Variants in KAZN observed in about 807,000 individuals in gnomAD.
KAZN encodes kazrin.
KAZN carries 40 observed loss-of-function variants against 87.4 expected under a neutral mutation model. The ratio of observed to expected loss-of-function variants is 0.46; its 90% CI spans 0.36 to 0.60. The LOEUF (loss-of-function observed/expected upper bound fraction) is 0.60. Among genes scored for constraint, KAZN ranks in the 20% least tolerant of loss-of-function variants. The probability of loss-of-function intolerance (pLI) is 0.00; values close to 1 mark genes in which losing one functional copy is unlikely to be tolerated. For synonymous variants in KAZN, 466 were observed against 458.3 expected (o/e 1.02, Z -0.22); for missense variants, 898 against 1,073.9 (o/e 0.84, Z 2.29).
intron 1 of KAZN, among the ~76,000 whole-genome samples, chr1:14,056,369 A>T (rs556640409): frequency 6.6e-6 from 1 of 152,332 alleles, no homozygotes; most frequent in African/African-American, 2.4e-5. Context: ...AGATGTCACG[A>T]TGGAAGCAGA....
intron 2 of KAZN, among the ~76,000 whole-genome samples, chr1:14,300,247 C>T (rs1406839969): frequency 7.1e-6 from 1 of 141,408 alleles, no homozygotes; most frequent in East Asian, 2.0e-4. Flanking sequence ...GTTTAATGGG[C>T]AGCTATGGAA....
chr1:14,844,593 T>C (rs887888958), intron 1 of KAZN, among the ~76,000 whole-genome samples: 1 of 152,200 alleles, frequency 6.6e-6, no homozygotes, highest in African/African-American at 2.4e-5. Flanking sequence ...AATGAGATTG[T>C]TCGCAATGAA....
At chr1:14,125,999 TGGCCTTAGA>T (rs950251466) in intron 1 of KAZN, among the ~76,000 whole-genome samples, 3 of 151,830 alleles carry the variant, frequency 2.0e-5, no homozygotes, top group Admixed American at 2.0e-4. Context: ...AGCTCTTACC[TGGCCTTAGA>T]GGCCCTAGTA....
chr1:14,445,798 C>T (rs565708552), intron 2 of KAZN, among the ~76,000 whole-genome samples: 6 of 152,216 alleles, frequency 3.9e-5, no homozygotes, highest in South Asian at 2.1e-4. Context: ...GAGAGGGAGC[C>T]GGGGTATTCA....
intron 1 of KAZN, among the ~76,000 whole-genome samples, chr1:14,878,722 C>G (rs1421288845): frequency 2.0e-5 from 3 of 152,210 alleles, no homozygotes; most frequent in Non-Finnish European, 2.9e-5. Context: ...TCAGGTCCAC[C>G]TTTTGCGGCC....
chr1:14,261,247 A>T (rs1471928671), intron 2 of KAZN, among the ~76,000 whole-genome samples: 1 of 150,384 alleles, frequency 6.6e-6, no homozygotes, highest in Non-Finnish European at 1.5e-5. Context: ...CTGCAGCTGT[A>T]AAACAGAGAT....
chr1:15,094,560 C>T lies in KAZN; in HGVS notation c.1428+175C>T, dbSNP rs1353372658. Among the ~76,000 whole-genome samples, 2 of 152,208 alleles carry T rather than the reference C, an allele frequency of 1.3e-5. No individual in the cohort carries two copies. Among genetic ancestry groups the T allele is most frequent in the Admixed American group, 1.3e-4 (2 of 15,286 alleles). ...TGCTCATTGTGCCTCCCTGGCAAGG[C>T]AGAGAGCCCTCAGCTGCCTCATCCT... On this transcript the variant is annotated intron_variant, in intron 9 of 14. Coordinates refer to ENST00000376030, the MANE Select transcript of KAZN (RefSeq NM_201628.3). The surrounding 1 kb of genome is among the most constrained non-coding windows in gnomAD (Gnocchi z 4.5).
Position 15,114,722 on chromosome 1 carries a change from T to C in KAZN, c.*87T>C. On this transcript the variant is annotated 3_prime_UTR_variant, in exon 15 of 15. Transcript: ENST00000376030. ...CCCCAGGTGTCGTTCTCACTGTACA[T>C]AGCGGCCGCAGGCTGAGGATGTCCC... is the stretch of plus-strand genomic sequence containing the variant. The C allele has an allele frequency of 7.5e-7, 1 of 1,333,074 alleles. No homozygotes were observed. The highest frequency in any genetic ancestry group is 2.6e-5 in the East Asian group (1 of 39,208). The allele number at this position is 1,333,074 out of a possible 1,614,324, so 82.6% of individuals were successfully genotyped here. A position where few individuals can be genotyped will look rare whatever the true frequency, so the allele number is the denominator to read the frequency against.
intron 2 of KAZN, among the ~76,000 whole-genome samples, chr1:14,377,178 T>C (rs1198463508): frequency 6.6e-6 from 1 of 152,214 alleles, no homozygotes; most frequent in Non-Finnish European, 1.5e-5. Context: ...AGCTGCTCAG[T>C]ATAATATAGA....
At chr1:14,514,569 A>ATTT (rs1304281774) in intron 2 of KAZN, among the ~76,000 whole-genome samples, 1 of 122,658 alleles carries the variant, frequency 8.2e-6, no homozygotes, top group Non-Finnish European at 1.6e-5. Flanking sequence ...TATATTTTCT[A>ATTT]TATATTTTAT....
chr1:14,058,055 G>A (rs895874920), intron 1 of KAZN, among the ~76,000 whole-genome samples: 1 of 152,012 alleles, frequency 6.6e-6, no homozygotes, highest in Non-Finnish European at 1.5e-5. Flanking sequence ...ACTTTTTGGG[G>A]CTTGGGGACA....
chr1:14,178,573 G>T (rs1440947208), intron 1 of KAZN, among the ~76,000 whole-genome samples: 2 of 152,070 alleles, frequency 1.3e-5, no homozygotes, highest in African/African-American at 4.8e-5. Context: ...TTATATTCAT[G>T]TTTGTTTTAC....
chr1:14,921,201 C>A (rs916619866), intron 1 of KAZN, among the ~76,000 whole-genome samples: 24 of 151,406 alleles, frequency 1.6e-4, no homozygotes, highest in African/African-American at 5.3e-4. Flanking sequence ...CACACAGAGC[C>A]ACGGCCAAAC....
intron 2 of KAZN, among the ~76,000 whole-genome samples, chr1:14,282,349 G>A (rs543694765): frequency 4.6e-5 from 7 of 152,270 alleles, no homozygotes; most frequent in African/African-American, 1.7e-4. Flanking sequence ...CTTAGGCCAG[G>A]AAGTCCCCCT....
chr1:14,543,796 T>C (rs144512375), intron 2 of KAZN, among the ~76,000 whole-genome samples: 3 of 152,322 alleles, frequency 2.0e-5, no homozygotes, highest in African/African-American at 4.8e-5. Context: ...AACAGCAAGT[T>C]ACATACATTA....
At position 15,112,467 on chromosome 1, in the gene KAZN, C is replaced by G; in HGVS notation, c.2089C>G (p.Pro697Ala). ...GGAGGCTGAGCGTTTTGGAACGCCC[C>G]CTGGCAGGGCCTCCAGCGTCACGCG... is the stretch of plus-strand genomic sequence containing the variant. Reference protein sequence around the residue: ...IREAERFGTPPGRASSVTRAG... With the variant: ...IREAERFGTPAGRASSVTRAG... The change falls in exon 14 of 15, where the codon CCT becomes GCT. Residue 697 changes from proline to alanine, a missense_variant. Physicochemically the swap from Pro to Ala is conservative, Grantham distance 27. Coordinates refer to ENST00000376030, the MANE Select transcript of KAZN (RefSeq NM_201628.3). 3 of 1,607,692 alleles carry G rather than the reference C, an allele frequency of 1.9e-6. No individual in the cohort carries two copies. In the East Asian group the frequency reaches 6.7e-5, roughly 36 times the overall value.
intron 1 of KAZN, among the ~76,000 whole-genome samples, chr1:14,068,834 G>A (rs1197273595): frequency 6.9e-6 from 1 of 144,050 alleles, no homozygotes; most frequent in African/African-American, 2.6e-5. Context: ...AGTCTTGTCT[G>A]TCACCCAGGC....
At chr1:14,931,208 AG>A (rs1319571442) in intron 1 of KAZN, among the ~76,000 whole-genome samples, 1 of 152,078 alleles carries the variant, frequency 6.6e-6, no homozygotes, top group Non-Finnish European at 1.5e-5. Context: ...TGGCCGAAGC[AG>A]GCGGAGCACT....
intron 1 of KAZN, among the ~76,000 whole-genome samples, chr1:14,733,582 G>A (rs533280443): frequency 5.0e-4 from 76 of 152,130 alleles, no homozygotes; most frequent in Admixed American, 4.1e-3. Context: ...CGGGGAGTGG[G>A]GGAGTTCTGG....
Sources: gnomAD v4.1 joint callset for allele counts (sites outside exome capture counted in the v4.1 genomes callset) on GRCh38, gnomAD v4.1.1 for gene constraint, Gnocchi (gnomAD v3.1) non-coding constraint, MANE v1.5 for transcripts, NCBI Gene and HGNC (gene_info 2026-07-23, HGNC 2026-07-21) for gene names.